The following USP43 variants were observed in gnomAD, a reference collection of about 807,000 sequenced individuals.
USP43 encodes the protein ubiquitin carboxyl-terminal hydrolase 43.
Under a neutral mutation model 90.7 loss-of-function variants are expected in USP43, and 33 were observed. The ratio of observed to expected loss-of-function variants is 0.36; its 90% CI spans 0.28 to 0.49. The LOEUF is 0.49. USP43 is among the 20% of genes least tolerant of loss of function. The pLI is 0.98. For synonymous variants in USP43, 598 were observed against 615.8 expected (o/e 0.97, Z 0.43); for missense variants, 1,274 against 1,476.4 (o/e 0.86, Z 2.25).
At chr17:9,666,777 T>C (rs765207587) in intron 3 of USP43, 26 bp downstream of exon 3, 1 of 1,575,184 alleles carries the variant, frequency 6.3e-7, no homozygotes, top group Non-Finnish European at 8.7e-7. Context: ...GTTTAGAATG[T>C]ATCACCCGAG....
intron 12 of USP43, among the ~76,000 whole-genome samples, chr17:9,707,183 G>T (rs1915930078): frequency 6.6e-6 from 1 of 152,028 alleles, no homozygotes; most frequent in Admixed American, 6.6e-5. Context: ...GAAACACTGG[G>T]TTCCATCATG....
At chr17:9,685,413 C>G (rs55641543) in intron 7 of USP43, among the ~76,000 whole-genome samples, 1,941 of 152,314 alleles carry the variant, frequency 0.013, 38 homozygotes, top group African/African-American at 0.044. Context: ...TGAGAATATT[C>G]TCGATACCCC....
intron 8 of USP43, among the ~76,000 whole-genome samples, chr17:9,692,090 G>C (rs908590511): frequency 6.6e-5 from 10 of 151,428 alleles, no homozygotes; most frequent in African/African-American, 2.4e-5. Context: ...TGGACGTGGT[G>C]GCTCATGCCT....
At chr17:9,687,092 T>C (rs16958589) in intron 8 of USP43, among the ~76,000 whole-genome samples, 183 bp downstream of exon 8, 46,461 of 152,088 alleles carry the variant, frequency 0.31, 8,094 homozygotes, top group East Asian at 0.63. Flanking sequence ...GTAACCATCT[T>C]ATAGTCTGTA....
At chr17:9,659,597 C>T (rs1032883463) in intron 2 of USP43, among the ~76,000 whole-genome samples, 2 of 152,022 alleles carry the variant, frequency 1.3e-5, no homozygotes, top group South Asian at 4.2e-4. Flanking sequence ...TTTTTTTACT[C>T]TCTCCTCTCC....
intron 5 of USP43, among the ~76,000 whole-genome samples, chr17:9,678,620 G>A (rs1163394456): frequency 1.3e-5 from 2 of 151,936 alleles, no homozygotes; most frequent in East Asian, 1.9e-4. Context: ...GATTACAGGC[G>A]TGAGCCACTG....
At position 9,681,197 on chromosome 17, in the gene USP43, TACTATATAATATATAC is replaced by T. The variant is rs1567660806; in HGVS notation, c.1105+833_1105+848del. Among the ~76,000 whole-genome samples the T allele has an allele frequency of 1.8e-4, 12 of 65,204 alleles. 3 individuals carry two copies. The South Asian group carries it at 4.7e-3, about 25-fold the overall frequency. The allele number at this position is 65,204 out of a possible 152,430, so 42.8% of individuals were successfully genotyped here. On this transcript the variant is annotated intron_variant, in intron 6 of 14. Transcript: ENST00000285199. ...ACTATATAATATACTATATAATATA[TACTATATAATATATAC>T]ATTATATAGAATATATTATATAATA...
chr17:9,681,840 C>A (rs1914309392), intron 6 of USP43, among the ~76,000 whole-genome samples: 2 of 152,134 alleles, frequency 1.3e-5, no homozygotes, highest in East Asian at 3.9e-4. Flanking sequence ...ACTTTATACC[C>A]CAGATGATTC....
chr17:9,654,132 G>C (rs897366346), intron 1 of USP43, among the ~76,000 whole-genome samples: 1 of 152,110 alleles, frequency 6.6e-6, no homozygotes, highest in African/African-American at 2.4e-5. Context: ...TTTGGGGGTA[G>C]GGTTGCCAGA....
At chr17:9,726,471 G>A (rs1370906989) in intron 14 of USP43, among the ~76,000 whole-genome samples, 1 of 152,188 alleles carries the variant, frequency 6.6e-6, no homozygotes, top group Non-Finnish European at 1.5e-5. Flanking sequence ...CAGGCTGGAA[G>A]TCTGAGATCA....
chr17:9,713,286 A>G (rs1916314053), intron 14 of USP43, among the ~76,000 whole-genome samples: 1 of 152,014 alleles, frequency 6.6e-6, no homozygotes, highest in Non-Finnish European at 1.5e-5. Flanking sequence ...ACAGGGTTTC[A>G]TCATGTTGGT....
At chr17:9,725,813 T>C (rs1597902463) in intron 14 of USP43, among the ~76,000 whole-genome samples, 2 of 152,272 alleles carry the variant, frequency 1.3e-5, no homozygotes, top group Non-Finnish European at 2.9e-5. Context: ...CAACATGCTC[T>C]CATTTTGAAA....
chr17:9,694,763 A>G (rs1466622762), intron 9 of USP43, among the ~76,000 whole-genome samples: 1 of 152,058 alleles, frequency 6.6e-6, no homozygotes, highest in Non-Finnish European at 1.5e-5. Flanking sequence ...AGCTGGGATT[A>G]TAGGCACACG....
At chr17:9,723,012 C>T (rs1301687410) in intron 14 of USP43, among the ~76,000 whole-genome samples, 1 of 152,148 alleles carries the variant, frequency 6.6e-6, no homozygotes, top group Non-Finnish European at 1.5e-5. Flanking sequence ...CTGGTTCATT[C>T]GAGTGTGTGT....
chr17:9,728,925 C>A lies in USP43; in HGVS notation c.3307C>A (p.Gln1103Lys), dbSNP rs1235183633. 6.2e-7 allele frequency: 1 copy of A among 1,608,554 alleles called. No individual in the cohort carries two copies. The highest frequency in any genetic ancestry group is 8.5e-7 in the Non-Finnish European group (1 of 1,177,320). The change falls in exon 15 of 15, where the codon CAG becomes AAG. Residue 1103 changes from glutamine (Q) to lysine (K), a missense_variant. Coordinates refer to ENST00000285199, the MANE Select transcript of USP43 (RefSeq NM_153210.5). This position sits in a 1 kb window ranked among gnomAD's most constrained non-coding sequence, Gnocchi z 6.2. Reference sequence around the variant, plus strand: ...GGAGCAGGCTTCTTATGGCACCTTTCAGAGAGTCAAATATCACACTCTTTC... The same window carrying A: ...GGAGCAGGCTTCTTATGGCACCTTTAAGAGAGTCAAATATCACACTCTTTC... Reference protein sequence around the residue: ...PGEQASYGTFQRVKYHTLSLG... With the variant: ...PGEQASYGTFKRVKYHTLSLG...
chr17:9,717,885 C>T (rs915702165), intron 14 of USP43, among the ~76,000 whole-genome samples: 2 of 151,820 alleles, frequency 1.3e-5, no homozygotes, highest in African/African-American at 2.4e-5. Context: ...CAACCTCCGC[C>T]TCCCGGGTTC....
chr17:9,680,551 C>T (rs936222294), intron 6 of USP43, among the ~76,000 whole-genome samples, 185 bp downstream of exon 6: 1 of 152,128 alleles, frequency 6.6e-6, no homozygotes, highest in African/African-American at 2.4e-5. Flanking sequence ...CACAAGTATT[C>T]TCAAAACTAA....
At chr17:9,721,763 G>A (rs1225479944) in intron 14 of USP43, among the ~76,000 whole-genome samples, 2 of 122,938 alleles carry the variant, frequency 1.6e-5, no homozygotes, top group East Asian at 5.0e-4. Flanking sequence ...CGCTCTTGTT[G>A]CCCAGGCTGG....
intron 14 of USP43, among the ~76,000 whole-genome samples, chr17:9,722,436 G>A (rs77491422): frequency 0.039 from 5,982 of 152,186 alleles, 222 homozygotes; most frequent in East Asian, 0.21. Context: ...AGTCCATGCC[G>A]ATGTAATGTA....
Sources: gnomAD v4.1 joint callset for allele counts (sites outside exome capture counted in the v4.1 genomes callset) on GRCh38, gnomAD v4.1.1 for gene constraint, Gnocchi (gnomAD v3.1) non-coding constraint, MANE v1.5 for transcripts, NCBI Gene and HGNC (gene_info 2026-07-23, HGNC 2026-07-21) for gene names.